Variants in MFSD11 observed in about 807,000 individuals in gnomAD.
MFSD11 encodes major facilitator superfamily domain containing 11, also known as UNC93-like protein MFSD11.
In MFSD11, 36 loss-of-function variants were observed where a neutral mutation model predicts 53.5. The ratio of observed to expected loss-of-function variants is 0.67; its 90% CI spans 0.52 to 0.89. MFSD11 has a LOEUF of 0.89. Ranked by LOEUF, MFSD11 falls within the 40% of genes least tolerant of loss-of-function variation. MFSD11 has a pLI of 0.00. For synonymous variants in MFSD11, 186 were observed against 184.9 expected, an observed-to-expected ratio of 1.01 and a Z score of -0.05; for missense variants, 530 against 543.9, an observed-to-expected ratio of 0.97 and a Z score of 0.25.
intron 1 of MFSD11, 90 bp downstream of exon 1, chr17:76,738,538 G>T: frequency 2.2e-6 from 2 of 889,448 alleles, no homozygotes; most frequent in African/African-American, 1.7e-5. Context: ...CTAATAGCGC[G>T]CTTTAATTGC....
At chr17:76,752,126 T>C (rs1317636300) in intron 7 of MFSD11, among the ~76,000 whole-genome samples, 1 of 152,236 alleles carries the variant, frequency 6.6e-6, no homozygotes, top group East Asian at 1.9e-4. Context: ...CAATAAGAAC[T>C]CTGCCATCCT....
At chr17:76,751,794 C>T (rs1175708313) in intron 7 of MFSD11, among the ~76,000 whole-genome samples, 2 of 151,842 alleles carry the variant, frequency 1.3e-5, no homozygotes, top group Non-Finnish European at 2.9e-5. Context: ...TTATGCTTAA[C>T]TTGCATTATC....
downstream of MFSD11, among the ~76,000 whole-genome samples, chr17:76,785,301 G>A (rs1166137169): frequency 6.6e-6 from 1 of 152,074 alleles, no homozygotes; most frequent in Admixed American, 6.6e-5. Context: ...ATGGTGGGCT[G>A]GTGGGGACGG....
chr17:76,748,283 T>C (rs1251713315), intron 7 of MFSD11, among the ~76,000 whole-genome samples: 1 of 152,172 alleles, frequency 6.6e-6, no homozygotes, highest in Non-Finnish European at 1.5e-5. Context: ...GTTTGTGTTT[T>C]CTTCTTAGTG....
At position 76,765,122 on chromosome 17, in the gene MFSD11, GTT is replaced by G. The variant is rs371670550; in HGVS notation, c.683-2258_683-2257del. ...TTTACTCCTATATTTTCTTTTAAAA[GTT>G]TTTTTAGTTTTAGCTCTTACATTTA... On this transcript the variant is annotated intron_variant, in intron 8 of 12. Transcript: ENST00000685175. 9.0e-3 allele frequency among the ~76,000 whole-genome samples: 1,363 copies of G among 152,070 alleles called. 22 individuals carry two copies. Among genetic ancestry groups the G allele is most frequent in the African/African-American group, 0.03 (1,230 of 41,472 alleles).
chr17:76,791,569 C>T, the MFSD11 span, among the ~76,000 whole-genome samples: 1 of 148,740 alleles, frequency 6.7e-6, no homozygotes, highest in East Asian at 1.9e-4. Flanking sequence ...TTGTGGTTGG[C>T]GCGCTGGGGA....
intron 8 of MFSD11, among the ~76,000 whole-genome samples, chr17:76,762,391 G>A (rs2080344025): frequency 6.6e-6 from 1 of 152,182 alleles, no homozygotes; most frequent in Admixed American, 6.5e-5. Flanking sequence ...CAGATATTCT[G>A]CTTTGCCAGT....
At chr17:76,771,420 T>C (rs1241054464) in intron 10 of MFSD11, among the ~76,000 whole-genome samples, 1 of 152,238 alleles carries the variant, frequency 6.6e-6, no homozygotes, top group Non-Finnish European at 1.5e-5. Flanking sequence ...ATATTGAATA[T>C]TGTGTTAGAT....
intron 6 of MFSD11, 121 bp downstream of exon 6, chr17:76,743,577 C>T (rs1003250159): frequency 1.5e-5 from 8 of 544,752 alleles, no homozygotes; most frequent in African/African-American, 5.9e-5. Context: ...CTCAAGTTCT[C>T]GCAGATTTTA....
At chr17:76,752,643 G>A (rs1233786481) in intron 7 of MFSD11, among the ~76,000 whole-genome samples, 1 of 152,064 alleles carries the variant, frequency 6.6e-6, no homozygotes, top group Non-Finnish European at 1.5e-5. Flanking sequence ...TGATCAGCCT[G>A]CCTTGGCCTC....
chr17:76,772,274 A>C (rs2081433352), intron 10 of MFSD11, among the ~76,000 whole-genome samples: 1 of 151,798 alleles, frequency 6.6e-6, no homozygotes, highest in African/African-American at 2.4e-5. Context: ...AGTACAAAAA[A>C]ATTAGCCAGG....
intron 1 of MFSD11, 158 bp downstream of exon 1, chr17:76,738,606 G>T: frequency 1.6e-6 from 1 of 631,056 alleles, no homozygotes; most frequent in South Asian, 2.0e-5. Context: ...TTGATTTCTT[G>T]TGTCAGACAT....
intron 7 of MFSD11, among the ~76,000 whole-genome samples, chr17:76,752,031 T>C (rs983592469): frequency 6.6e-6 from 1 of 152,216 alleles, no homozygotes. Context: ...GATTCTAGTA[T>C]AATTAAAAAC....
chr17:76,744,629 A>G (rs2078388820), intron 7 of MFSD11, among the ~76,000 whole-genome samples, 163 bp downstream of exon 7: 1 of 152,068 alleles, frequency 6.6e-6, no homozygotes, highest in Non-Finnish European at 1.5e-5. Context: ...AGGGAGGAAG[A>G]AAAAAAAGGT....
the MFSD11 span, among the ~76,000 whole-genome samples, chr17:76,803,414 C>G: frequency 6.6e-6 from 1 of 152,320 alleles, no homozygotes; most frequent in East Asian, 1.9e-4. Flanking sequence ...GGAGACTAGA[C>G]TGCCTTTGTC....
chr17:76,742,135 G>A, intron 4 of MFSD11, 42 bp from the exon 5 acceptor site: 5 of 1,613,696 alleles, frequency 3.1e-6, no homozygotes, highest in Non-Finnish European at 4.2e-6. Context: ...GTGACTCTAA[G>A]TGAATTTCTT....
downstream of MFSD11, chr17:76,781,039 A>G (rs1162405573): frequency 2.0e-5 from 3 of 152,136 alleles, no homozygotes; most frequent in Admixed American, 6.6e-5. Flanking sequence ...ATTTCATCAC[A>G]GTTTCTGTGG....
upstream of MFSD11, chr17:76,737,452 G>A: frequency 2.6e-6 from 1 of 386,068 alleles, no homozygotes; most frequent in Non-Finnish European, 4.7e-6. Flanking sequence ...ACCCTGCCGC[G>A]CGCCCCGCCC....
chr17:76,799,768 T>G, the MFSD11 span, among the ~76,000 whole-genome samples: 4 of 151,922 alleles, frequency 2.6e-5, no homozygotes, highest in African/African-American at 9.7e-5. Flanking sequence ...ACCCCCAACC[T>G]TGCCCAAAGC....
Sources: allele counts gnomAD v4.1 joint callset (sites outside exome capture counted in the v4.1 genomes callset), GRCh38; gene constraint gnomAD v4.1.1; transcripts MANE v1.5; gene names NCBI Gene and HGNC (gene_info 2026-07-23, HGNC 2026-07-21).